Variants in CSMD1 observed in about 807,000 individuals in gnomAD.
The protein encoded by CSMD1 is CUB and sushi domain-containing protein 1.
A neutral mutation model predicts 417.5 loss-of-function variants in CSMD1; 213 were observed. The ratio of observed to expected loss-of-function variants is 0.51; its 90% CI spans 0.46 to 0.57. The LOEUF is 0.57. CSMD1 is among the 20% of genes least tolerant of loss of function. The pLI is 0.00. For synonymous variants in CSMD1, 2,862 were observed against 1,736.8 expected (o/e 1.65, Z -16.11); for missense variants, 6,923 against 4,529.7 (o/e 1.53, Z -15.17).
chr8:3,011,196 A>G (rs1279064423), intron 52 of CSMD1, among the ~76,000 whole-genome samples: 2 of 152,152 alleles, frequency 1.3e-5, no homozygotes, highest in Non-Finnish European at 2.9e-5. Flanking sequence ...AGAAAAACCC[A>G]CCGCTGAGAA....
intron 2 of CSMD1, among the ~76,000 whole-genome samples, chr8:4,548,389 TA>T (rs1335525075): frequency 1.3e-5 from 2 of 152,196 alleles, no homozygotes; most frequent in Non-Finnish European, 2.9e-5. Context: ...TCATGTTGTA[TA>T]TTTAGACGCA....
At chr8:3,179,341 T>C (rs1255844304) in intron 37 of CSMD1, among the ~76,000 whole-genome samples, 1 of 152,160 alleles carries the variant, frequency 6.6e-6, no homozygotes, top group East Asian at 1.9e-4. Context: ...ATGGTGTTAG[T>C]ATAAAAAACA....
intron 3 of CSMD1, among the ~76,000 whole-genome samples, chr8:4,046,016 T>G (rs1450315649): frequency 6.6e-6 from 1 of 152,190 alleles, no homozygotes; most frequent in African/African-American, 2.4e-5. Flanking sequence ...ACAATTGTAT[T>G]CAAATATAAA....
chr8:4,758,281 C>T (rs1177281897), intron 1 of CSMD1, among the ~76,000 whole-genome samples: 1 of 152,156 alleles, frequency 6.6e-6, no homozygotes, highest in Non-Finnish European at 1.5e-5. Flanking sequence ...TCAGCTGTTT[C>T]CCAACGTTGC....
intron 5 of CSMD1, among the ~76,000 whole-genome samples, chr8:3,891,339 C>G (rs575415346): frequency 2.6e-5 from 4 of 152,092 alleles, no homozygotes; most frequent in South Asian, 2.1e-4. Flanking sequence ...CGTGAGCCAC[C>G]GCGCCTATCC....
chr8:4,045,880 G>C (rs1180953350), intron 3 of CSMD1, among the ~76,000 whole-genome samples: 1 of 151,616 alleles, frequency 6.6e-6, no homozygotes, highest in Non-Finnish European at 1.5e-5. Context: ...TTTAATTAGA[G>C]TTTTTATGTC....
intron 37 of CSMD1, among the ~76,000 whole-genome samples, chr8:3,177,573 T>G (rs62502892): frequency 0.12 from 18,606 of 152,208 alleles, 1,538 homozygotes; most frequent in Non-Finnish European, 0.18. Flanking sequence ...TCTTCCCTAA[T>G]AAGCCCATAG....
chr8:3,775,052 A>G (rs1333347991), intron 5 of CSMD1, among the ~76,000 whole-genome samples: 1 of 152,170 alleles, frequency 6.6e-6, no homozygotes, highest in Non-Finnish European at 1.5e-5. Context: ...TCAGAATAGC[A>G]TACAATTTAA....
intron 1 of CSMD1, among the ~76,000 whole-genome samples, chr8:4,844,698 G>C (rs937169624): frequency 2.6e-5 from 4 of 152,102 alleles, no homozygotes; most frequent in Non-Finnish European, 5.9e-5. Context: ...TATTATCTTA[G>C]ACTCTAAACA....
chr8:4,644,251 A>G (rs1039033595), intron 1 of CSMD1, among the ~76,000 whole-genome samples: 21 of 152,194 alleles, frequency 1.4e-4, no homozygotes, highest in African/African-American at 4.6e-4. Context: ...GCTTGTTCCC[A>G]CCCCAGGCCC....
intron 9 of CSMD1, among the ~76,000 whole-genome samples, chr8:3,576,187 G>T (rs112575950): frequency 0.024 from 3,695 of 151,994 alleles, 155 homozygotes; most frequent in African/African-American, 0.081. Flanking sequence ...GCTACTTTGT[G>T]GGGGGACAAG....
chr8:3,131,074 T>C lies in CSMD1; in HGVS notation c.6241+11391A>G, dbSNP rs1179795035. On this transcript the variant is annotated intron_variant, in intron 41 of 69. Transcript: ENST00000635120. The stretch of plus-strand genomic sequence containing the variant: ...TTGGCATTCTGGGAAGTCTAATAAG[T>C]TTCTCAAACTAATGTCTTACTGTAT... 5.9e-5 allele frequency among the ~76,000 whole-genome samples: 9 copies of C among 152,148 alleles called. No homozygotes were observed. In the South Asian group the frequency reaches 1.9e-3, roughly 32 times the overall value.
chr8:4,082,453 A>G (rs1361473955), intron 3 of CSMD1, among the ~76,000 whole-genome samples: 1 of 152,186 alleles, frequency 6.6e-6, no homozygotes, highest in Admixed American at 6.5e-5. Flanking sequence ...AAGGGCAAAG[A>G]TTGCCTAAGT....
intron 1 of CSMD1, among the ~76,000 whole-genome samples, chr8:4,662,789 A>T (rs1340433673): frequency 6.6e-6 from 1 of 152,136 alleles, no homozygotes; most frequent in Non-Finnish European, 1.5e-5. Context: ...TCCACCAGGG[A>T]TTCAAGCTCA....
chr8:4,210,607 T>C (rs1190894810), intron 3 of CSMD1, among the ~76,000 whole-genome samples: 3 of 152,028 alleles, frequency 2.0e-5, no homozygotes, highest in African/African-American at 7.2e-5. Flanking sequence ...AGCAAAACAA[T>C]AGCTAATTAA....
intron 1 of CSMD1, among the ~76,000 whole-genome samples, chr8:4,760,360 C>A (rs764896624): frequency 2.6e-5 from 4 of 152,220 alleles, no homozygotes; most frequent in South Asian, 4.2e-4. Context: ...GAAGGTGAAT[C>A]GAGGACATGT....
At chr8:3,438,256 C>T (rs1370034588) in intron 12 of CSMD1, among the ~76,000 whole-genome samples, 2 of 152,160 alleles carry the variant, frequency 1.3e-5, no homozygotes, top group Admixed American at 6.5e-5. Context: ...TAGGCAGTTA[C>T]AAAGATCTTG....
intron 5 of CSMD1, among the ~76,000 whole-genome samples, chr8:3,891,264 G>C (rs1023074908): frequency 5.3e-5 from 8 of 152,062 alleles, no homozygotes; most frequent in Admixed American, 2.0e-4. Flanking sequence ...TCCCAGGCTA[G>C]TCTCAAAAAT....
At chr8:4,728,669 T>C (rs1809634336) in intron 1 of CSMD1, among the ~76,000 whole-genome samples, 1 of 152,184 alleles carries the variant, frequency 6.6e-6, no homozygotes. Flanking sequence ...TAATATTGCT[T>C]AAGTGGATAA....
Sources: allele counts gnomAD v4.1 joint callset (sites outside exome capture counted in the v4.1 genomes callset), GRCh38; gene constraint gnomAD v4.1.1; transcripts MANE v1.5; gene names NCBI Gene and HGNC (gene_info 2026-07-23, HGNC 2026-07-21).